The following CIMAP1A variants were observed in gnomAD, a reference collection of about 807,000 sequenced individuals.
CIMAP1A encodes the protein ciliary microtubule associated protein 1A.
At chr11:199,730 A>G in the CIMAP1A span, 1 of 1,435,164 alleles carries the variant, frequency 7.0e-7, no homozygotes, top group Non-Finnish European at 9.1e-7. Context: ...CCCACAGGTA[A>G]CCCTTCAGGG....
At chr11:199,494 C>T in the CIMAP1A span, 2 of 1,557,104 alleles carry the variant, frequency 1.3e-6, no homozygotes, top group Admixed American at 1.9e-5. Context: ...GACCAGGCGC[C>T]CACAGCCCTG....
the CIMAP1A span, chr11:199,504 G>A: frequency 9.6e-6 from 15 of 1,554,782 alleles, no homozygotes; most frequent in Non-Finnish European, 1.3e-5. Context: ...CCACAGCCCT[G>A]AGAAGGTCCA....
the CIMAP1A span, chr11:197,859 G>C: frequency 1.7e-5 from 25 of 1,509,422 alleles, no homozygotes; most frequent in African/African-American, 3.0e-4. Flanking sequence ...GTGTGGGAGA[G>C]CTCAGCCATC....
the CIMAP1A span, chr11:198,441 G>C: frequency 6.2e-7 from 1 of 1,613,244 alleles, no homozygotes; most frequent in Non-Finnish European, 8.5e-7. Context: ...GTTCCGGCCT[G>C]AGGCTCCACG....
the CIMAP1A span, chr11:197,267 G>A: frequency 6.8e-7 from 1 of 1,465,928 alleles, no homozygotes; most frequent in Non-Finnish European, 9.3e-7. Flanking sequence ...GGGCCTCCCA[G>A]CACCTGGTAA....
chr11:197,370 C>G, the CIMAP1A span: 1 of 1,598,998 alleles, frequency 6.3e-7, no homozygotes, highest in Non-Finnish European at 8.5e-7. Context: ...TCATGGCCCT[C>G]TACAGCAGCC....
At chr11:197,336 G>A in the CIMAP1A span, 5 of 1,590,454 alleles carry the variant, frequency 3.1e-6, no homozygotes, top group South Asian at 2.3e-5. Context: ...GGTACCTGGA[G>A]GCCCCATCGC....
At chr11:199,022 C>G in the CIMAP1A span, 8 of 1,201,370 alleles carry the variant, frequency 6.7e-6, no homozygotes, top group Non-Finnish European at 8.3e-6. Context: ...CATCATGGCA[C>G]CCAACAGCCC....
At chr11:199,808 G>A in the CIMAP1A span, 1 of 1,464,966 alleles carries the variant, frequency 6.8e-7, no homozygotes, top group South Asian at 1.4e-5. Context: ...AGTGCTCTGT[G>A]TTCAAACCTG....
the CIMAP1A span, chr11:199,299 T>A: frequency 1.3e-6 from 2 of 1,536,000 alleles, no homozygotes; most frequent in African/African-American, 2.7e-5. Context: ...GAGCCTGAGT[T>A]TGCTCCCTGT....
At chr11:197,993 A>T in the CIMAP1A span, 3 of 1,535,284 alleles carry the variant, frequency 2.0e-6, no homozygotes, top group Non-Finnish European at 2.6e-6. Context: ...GTCAGACCCC[A>T]CTCTCCCTGC....
At chr11:197,499 A>C in the CIMAP1A span, 2 of 1,594,320 alleles carry the variant, frequency 1.3e-6, no homozygotes, top group African/African-American at 2.7e-5. Flanking sequence ...TCAATCCCTG[A>C]CTCCCAGCGG....
chr11:199,292 C>T, the CIMAP1A span: 3 of 1,529,800 alleles, frequency 2.0e-6, no homozygotes, highest in Non-Finnish European at 8.8e-7. Context: ...TGACTCAGAG[C>T]CTGAGTTTGC....
At chr11:200,087 CCA>C in the CIMAP1A span, 18 of 1,582,426 alleles carry the variant, frequency 1.1e-5, no homozygotes, top group Middle Eastern at 6.7e-4. Context: ...ATCCGCCGGG[CCA>C]CAGAGCTCGA....
the CIMAP1A span, chr11:197,172 T>C: frequency 2.2e-6 from 1 of 453,540 alleles, no homozygotes; most frequent in East Asian, 3.9e-5. Flanking sequence ...TCCCCACTGA[T>C]GCTGCAGCAG....
chr11:199,745 G>C, the CIMAP1A span: 1 of 1,436,172 alleles, frequency 7.0e-7, no homozygotes, highest in Non-Finnish European at 9.1e-7. Flanking sequence ...TCAGGGACAT[G>C]GAAGCAGAGA....
the CIMAP1A span, chr11:197,905 G>T: frequency 4.0e-6 from 6 of 1,492,430 alleles, no homozygotes; most frequent in Non-Finnish European, 5.4e-6. Context: ...CTCTTGAGGG[G>T]TCACCATCGT....
chr11:199,926 T>A, the CIMAP1A span: 21 of 1,613,616 alleles, frequency 1.3e-5, no homozygotes, highest in South Asian at 2.2e-4. Context: ...GTTCCTATCA[T>A]AGCCCCTCCT....
chr11:197,636 A>G, the CIMAP1A span: 1 of 1,613,614 alleles, frequency 6.2e-7, no homozygotes, highest in Admixed American at 1.7e-5. Context: ...CTCCTGGCAG[A>G]GAACTGCTCC....
Sources: allele counts gnomAD v4.1 joint callset, GRCh38; gene constraint gnomAD v4.1.1; transcripts MANE v1.5; gene names NCBI Gene and HGNC (gene_info 2026-07-23, HGNC 2026-07-21).